Variants in NUDT5 observed in about 807,000 individuals in gnomAD.
The protein encoded by NUDT5 is nudix hydrolase 5.
Under a neutral mutation model 34.1 loss-of-function variants are expected in NUDT5, and 21 were observed. The ratio of observed to expected loss-of-function variants is 0.62; its 90% confidence interval spans 0.44 to 0.89. The LOEUF is 0.89. NUDT5 is among the 40% of genes least tolerant of loss of function. The pLI is 0.00. For missense variants in NUDT5, 249 were observed against 274.8 expected (o/e 0.91, Z 0.66); for synonymous variants, 85 against 97.6 (o/e 0.87, Z 0.76).
At position 12,184,912 on chromosome 10, in the gene NUDT5, G is replaced by A. The variant is rs754958147; in HGVS notation, c.108C>T (p.Tyr36=). Residue 36 remains tyrosine (Y), a synonymous_variant, in exon 3 of 10, where the codon TAC becomes TAT. Transcript: ENST00000491614. ...GKWVKLEKTT[Y]MDPTGKTRTW... ...ACCTAGTTTTACCAGTAGGATCCAT[G>A]TACGTTGTTTTTTCAAGCTTGACCC... 14 of 1,587,418 alleles carry A rather than the reference G, an allele frequency of 8.8e-6. No individual in the cohort carries two copies. The highest frequency in any genetic ancestry group is 1.1e-5 in the Non-Finnish European group (13 of 1,160,702).
In NUDT5 at chr10:12,182,772, T is replaced by C. The variant is rs1008998328; in HGVS notation, c.131+2117A>G. ...TATTTTTTGAGATGGAGTCTCGCTC[T>C]GTCGCCCAGGCTGGAGTACAGTGGT... is the stretch of plus-strand genomic sequence containing the variant. On this transcript the variant is annotated intron_variant, in intron 3 of 9. Transcript: ENST00000491614. The surrounding 1 kb of genome is among the most constrained non-coding windows in gnomAD (Gnocchi z 4.3). 1.3e-5 allele frequency among the ~76,000 whole-genome samples: 2 copies of C among 152,238 alleles called. No individual in the cohort carries two copies. Among genetic ancestry groups the C allele is most frequent in the Admixed American group, 1.3e-4 (2 of 15,290 alleles).
chr10:12,192,425 A>G (rs1185306797), intron 1 of NUDT5, among the ~76,000 whole-genome samples: 1 of 152,222 alleles, frequency 6.6e-6, no homozygotes, highest in African/African-American at 2.4e-5. Flanking sequence ...GCATGTCTAA[A>G]GTGGCAATCT....
chr10:12,188,506 G>A (rs555781913), intron 1 of NUDT5, among the ~76,000 whole-genome samples: 1 of 152,324 alleles, frequency 6.6e-6, no homozygotes, highest in South Asian at 2.1e-4. Context: ...GCCAGGGCGG[G>A]TGGATCACGA....
In NUDT5 at chr10:12,169,916, A is replaced by G. The variant is rs145705007; in HGVS notation, c.550+801T>C. The G allele has an allele frequency of 2.8e-5, 14 of 496,440 alleles. No individual in the cohort carries two copies. In the East Asian group the frequency reaches 4.0e-4, roughly 14 times the overall value. The allele number at this position is 496,440 out of a possible 1,614,324, so 30.8% of individuals were successfully genotyped here. On this transcript the variant is annotated intron_variant, in intron 9 of 9. Transcript: ENST00000491614. The surrounding 1 kb of genome is among the most constrained non-coding windows in gnomAD (Gnocchi z 4.8). ...AAAACAGTAGAAAAATCAGTTATCA[A>G]TTACCTAAAACACTTATACCCAATA...
At position 12,175,327 on chromosome 10, in the gene NUDT5, T is replaced by A. The variant is rs570754324; in HGVS notation, c.290-1514A>T. ...AAAAGTGAAACTGCATCTCAAAAAA[T>A]AAATAAATAAAATAAAATAAAATAA... On this transcript the variant is annotated intron_variant, in intron 5 of 9. Coordinates refer to ENST00000491614, the MANE Select transcript of NUDT5 (RefSeq NM_014142.4). This position sits in a 1 kb window ranked among gnomAD's most constrained non-coding sequence, Gnocchi z 4.8. 1.7e-4 allele frequency among the ~76,000 whole-genome samples: 25 copies of A among 149,150 alleles called. No individual in the cohort carries two copies. The East Asian group carries it at 4.6e-3, about 27-fold the overall frequency.
At chr10:12,179,329 GA>G (rs1835008790) in intron 3 of NUDT5, among the ~76,000 whole-genome samples, 197 bp from the exon 4 acceptor site, 1 of 152,138 alleles carries the variant, frequency 6.6e-6, no homozygotes, top group African/African-American at 2.4e-5. Context: ...AATTAACAAC[GA>G]AAACTCTTGC....
chr10:12,170,954 T>C lies in NUDT5; in HGVS notation c.488-46A>G. ...AACATTTCAGCAAGGCCTGGAGTGG[T>C]AACATCGGAAGACTTTTATACAAGA... On this transcript the variant is annotated intron_variant, in intron 7 of 9. Coordinates refer to ENST00000491614, the MANE Select transcript of NUDT5 (RefSeq NM_014142.4). The surrounding 1 kb of genome is among the most constrained non-coding windows in gnomAD (Gnocchi z 4.9). 6.2e-7 allele frequency: 1 copy of C among 1,605,782 alleles called. No homozygotes were observed. The highest frequency in any genetic ancestry group is 1.1e-5 in the South Asian group (1 of 89,792).
rs1226155643 is a variant in NUDT5 at position 12,166,718 on chromosome 10, G to A, written c.*984C>T. The A allele has an allele frequency of 3.9e-6, 2 of 510,068 alleles. No homozygotes were observed. Among genetic ancestry groups the A allele is most frequent in the South Asian group, 1.5e-5 (1 of 67,320 alleles). The allele number at this position is 510,068 out of a possible 1,614,324, so 31.6% of individuals were successfully genotyped here. A position where few individuals can be genotyped will look rare whatever the true frequency, so the allele number is the denominator to read the frequency against. On this transcript the variant is annotated 3_prime_UTR_variant, in exon 10 of 10. Transcript: ENST00000491614. ...CGTGGGGGCCAGACTGGAAAGTCCTGGAAAATCATGGAGCTGCTGGAGGCC... is the reference window on the plus strand; with the variant it reads ...CGTGGGGGCCAGACTGGAAAGTCCTAGAAAATCATGGAGCTGCTGGAGGCC...
Position 12,169,282 on chromosome 10 carries a change from G to T in NUDT5, c.550+1435C>A. ...GACCAAAAGTGAAGTTAAGAAGGTG[G>T]AAGGGAGAAGGAAGACATTTTACAA... On this transcript the variant is annotated intron_variant, in intron 9 of 9. Transcript: ENST00000491614. This position sits in a 1 kb window ranked among gnomAD's most constrained non-coding sequence, Gnocchi z 4.8. The T allele has an allele frequency of 6.4e-7, 1 of 1,553,680 alleles. No homozygotes were observed. Among genetic ancestry groups the T allele is most frequent in the East Asian group, 2.4e-5 (1 of 41,802 alleles).
At position 12,165,502 on chromosome 10, in the gene NUDT5, T is replaced by C. The variant is rs1329815618; in HGVS notation, c.*2200A>G. 9.3e-6 allele frequency: 3 copies of C among 323,018 alleles called. No individual in the cohort carries two copies. Among genetic ancestry groups the C allele is most frequent in the African/African-American group, 6.8e-5 (3 of 44,424 alleles). 20.0% of individuals were successfully genotyped at this position (323,018 alleles called of 1,614,324 possible). A position where few individuals can be genotyped will look rare whatever the true frequency, so the allele number is the denominator to read the frequency against. ...TCAAATGTAATTACACTTCAAACTTTAATCCTAAATTATTGACAGATAGAT... is the reference window on the plus strand; with the variant it reads ...TCAAATGTAATTACACTTCAAACTTCAATCCTAAATTATTGACAGATAGAT... On this transcript the variant is annotated 3_prime_UTR_variant, in exon 10 of 10. Coordinates refer to ENST00000491614, the MANE Select transcript of NUDT5 (RefSeq NM_014142.4).
chr10:12,194,505 A>G (rs11257589), intron 1 of NUDT5, among the ~76,000 whole-genome samples: 5 of 152,190 alleles, frequency 3.3e-5, no homozygotes, highest in African/African-American at 4.8e-5. Flanking sequence ...ATGACTGTCC[A>G]TCCCCACCAA....
At chr10:12,193,652 T>A (rs1835274351) in intron 1 of NUDT5, among the ~76,000 whole-genome samples, 2 of 152,192 alleles carry the variant, frequency 1.3e-5, no homozygotes, top group Non-Finnish European at 2.9e-5. Flanking sequence ...TGTCAATTTA[T>A]TTGATGCTGG....
At chr10:12,174,039 TG>T (rs1270802262) in intron 5 of NUDT5, among the ~76,000 whole-genome samples, 1 of 152,024 alleles carries the variant, frequency 6.6e-6, no homozygotes, top group Non-Finnish European at 1.5e-5. Flanking sequence ...GCTAATTTTT[TG>T]TATTTTTAGT....
chr10:12,189,756 A>G (rs1835191303), intron 1 of NUDT5, among the ~76,000 whole-genome samples: 1 of 152,220 alleles, frequency 6.6e-6, no homozygotes, highest in African/African-American at 2.4e-5. Context: ...CACTGACTCA[A>G]CGCTATTTCA....
rs879753384 is a variant in NUDT5 at position 12,167,395 on chromosome 10, C to T, written c.*307G>A. On this transcript the variant is annotated 3_prime_UTR_variant, in exon 10 of 10. Transcript: ENST00000491614. ...AGGTCTATTTCTCTATACAAATACCCCTGTCTACCAGACTGGACTAGAAAA... is the reference window on the plus strand; with the variant it reads ...AGGTCTATTTCTCTATACAAATACCTCTGTCTACCAGACTGGACTAGAAAA... The T allele has an allele frequency of 3.7e-6, 1 of 273,142 alleles. No individual in the cohort carries two copies. Among genetic ancestry groups the T allele is most frequent in the Admixed American group, 5.0e-5 (1 of 20,080 alleles). 16.9% of individuals were successfully genotyped at this position (273,142 alleles called of 1,614,324 possible).
intron 2 of NUDT5, 74 bp downstream of exon 2, chr10:12,186,155 A>G (rs1835123493): frequency 8.9e-7 from 1 of 1,129,296 alleles, no homozygotes; most frequent in African/African-American, 1.5e-5. Context: ...CACCATTGTA[A>G]CAACAGTCTA....
chr10:12,177,093 G>A (rs920376437), intron 5 of NUDT5, among the ~76,000 whole-genome samples: 1 of 150,832 alleles, frequency 6.6e-6, no homozygotes, highest in Non-Finnish European at 1.5e-5. Context: ...CCGCACTCCA[G>A]CCTGGGTGAC....
At chr10:12,177,094 C>A (rs1214702180) in intron 5 of NUDT5, among the ~76,000 whole-genome samples, 3 of 150,854 alleles carry the variant, frequency 2.0e-5, no homozygotes, top group African/African-American at 7.3e-5. Flanking sequence ...CGCACTCCAG[C>A]CTGGGTGACA....
intron 5 of NUDT5, among the ~76,000 whole-genome samples, chr10:12,177,022 T>TGA (rs1279074625): frequency 6.6e-6 from 1 of 151,008 alleles, no homozygotes; most frequent in African/African-American, 2.4e-5. Context: ...CTCAGGAGGC[T>TGA]GAGGCAGGAG....
Sources: gnomAD v4.1 joint callset for allele counts (sites outside exome capture counted in the v4.1 genomes callset) on GRCh38, gnomAD v4.1.1 for gene constraint, Gnocchi (gnomAD v3.1) non-coding constraint, MANE v1.5 for transcripts, NCBI Gene and HGNC (gene_info 2026-07-23, HGNC 2026-07-21) for gene names.